The following TCF7L1 variants were observed in gnomAD, a reference collection of about 807,000 sequenced individuals.
The protein encoded by TCF7L1 is transcription factor 7-like 1.
TCF7L1 carries 18 observed loss-of-function variants against 63.7 expected under a neutral mutation model. The ratio of observed to expected loss-of-function variants is 0.28; its 90% CI spans 0.20 to 0.42. TCF7L1 has a LOEUF of 0.42. Among genes scored for constraint, TCF7L1 ranks in the 10% least tolerant of loss-of-function variants. The pLI is 1.00. For synonymous variants in TCF7L1, 355 were observed against 340.9 expected (o/e 1.04, Z -0.46); for missense variants, 654 against 779.3 (o/e 0.84, Z 1.91).
rs190225735 is a variant in TCF7L1 at position 85,288,652 on chromosome 2, A to T, written c.525+5074A>T. On this transcript the variant is annotated intron_variant, in intron 4 of 11. Coordinates refer to ENST00000282111, the MANE Select transcript of TCF7L1 (RefSeq NM_031283.3). ...GCTGCCTAACAAGGAAGTATGTCTA[A>T]GCAAGTCACAACTGGGCCCGGGTGC... 3.9e-5 allele frequency among the ~76,000 whole-genome samples: 6 copies of T among 152,350 alleles called. No homozygotes were observed. The East Asian group carries it at 7.7e-4, about 20-fold the overall frequency.
chr2:85,145,569 G>A (rs1443747723), intron 3 of TCF7L1, among the ~76,000 whole-genome samples: 3 of 152,226 alleles, frequency 2.0e-5, no homozygotes, highest in African/African-American at 7.2e-5. Flanking sequence ...ATACCTTCTA[G>A]AGGTGGTTGG....
chr2:85,254,841 G>A (rs1680672535), intron 3 of TCF7L1, among the ~76,000 whole-genome samples: 2 of 152,176 alleles, frequency 1.3e-5, no homozygotes, highest in Non-Finnish European at 2.9e-5. Flanking sequence ...AGGTATGTGG[G>A]GAAAACACGA....
intron 3 of TCF7L1, among the ~76,000 whole-genome samples, chr2:85,205,741 G>A (rs139745348): frequency 0.029 from 4,450 of 152,110 alleles, 97 homozygotes; most frequent in Middle Eastern, 0.051. Flanking sequence ...GGCTGGTTTC[G>A]AACTCCTGAC....
chr2:85,248,284 A>G (rs1055630974), intron 3 of TCF7L1, among the ~76,000 whole-genome samples: 2 of 152,024 alleles, frequency 1.3e-5, no homozygotes, highest in African/African-American at 4.8e-5. Flanking sequence ...CGTTTCTTCA[A>G]CTCACCCATG....
At chr2:85,145,522 A>T (rs1677857797) in intron 3 of TCF7L1, among the ~76,000 whole-genome samples, 1 of 152,236 alleles carries the variant, frequency 6.6e-6, no homozygotes, top group Non-Finnish European at 1.5e-5. Flanking sequence ...AAAAAAGGAT[A>T]TGTCAGGGTC....
At chr2:85,235,639 G>A (rs72840184) in intron 3 of TCF7L1, among the ~76,000 whole-genome samples, 5,896 of 152,130 alleles carry the variant, frequency 0.039, 121 homozygotes, top group Middle Eastern at 0.044. Flanking sequence ...TACCTGTGAC[G>A]CTCTCCACTA....
At chr2:85,178,566 C>G (rs534408666) in intron 3 of TCF7L1, among the ~76,000 whole-genome samples, 2 of 152,310 alleles carry the variant, frequency 1.3e-5, no homozygotes, top group South Asian at 2.1e-4. Flanking sequence ...TAGGCCCTTT[C>G]ACGCTCCCAC....
At chr2:85,241,139 G>A (rs893837482) in intron 3 of TCF7L1, among the ~76,000 whole-genome samples, 2 of 152,180 alleles carry the variant, frequency 1.3e-5, no homozygotes, top group South Asian at 4.1e-4. Context: ...GGAAGGGCCC[G>A]CCCAAGGTCA....
chr2:85,196,598 G>A (rs1035185445), intron 3 of TCF7L1, among the ~76,000 whole-genome samples: 1 of 151,290 alleles, frequency 6.6e-6, no homozygotes, highest in South Asian at 2.1e-4. Flanking sequence ...TTAAACGTTT[G>A]ACCCCAAGTG....
intron 3 of TCF7L1, among the ~76,000 whole-genome samples, chr2:85,148,873 C>T (rs1210411400): frequency 6.8e-6 from 1 of 148,142 alleles, no homozygotes; most frequent in Non-Finnish European, 1.5e-5. Flanking sequence ...CCCCCAGGTT[C>T]AAGCGATTCT....
At chr2:85,200,031 C>T (rs1351632243) in intron 3 of TCF7L1, among the ~76,000 whole-genome samples, 6 of 152,208 alleles carry the variant, frequency 3.9e-5, no homozygotes, top group African/African-American at 1.4e-4. Flanking sequence ...GCTTTTTTCA[C>T]TTAGTCTAAT....
intron 3 of TCF7L1, among the ~76,000 whole-genome samples, chr2:85,226,662 T>TAATAA (rs1267992054): frequency 3.3e-5 from 5 of 152,114 alleles, no homozygotes; most frequent in Non-Finnish European, 7.4e-5. Flanking sequence ...TCCTGTCCCA[T>TAATAA]AATAACCACT....
intron 3 of TCF7L1, among the ~76,000 whole-genome samples, chr2:85,142,080 C>G (rs1677750315): frequency 6.6e-6 from 1 of 152,122 alleles, no homozygotes; most frequent in Non-Finnish European, 1.5e-5. Flanking sequence ...GGGAAATTTT[C>G]CCTCCTTTTA....
chr2:85,298,481 C>CAAAAA (rs775849544), intron 4 of TCF7L1, among the ~76,000 whole-genome samples: 8 of 71,042 alleles, frequency 1.1e-4, no homozygotes, highest in African/African-American at 3.1e-4. Flanking sequence ...GACTCTGTCT[C>CAAAAA]AAAAAAAAAA....
At chr2:85,144,236 C>T (rs1331102606) in intron 3 of TCF7L1, among the ~76,000 whole-genome samples, 1 of 152,036 alleles carries the variant, frequency 6.6e-6, no homozygotes, top group Non-Finnish European at 1.5e-5. Flanking sequence ...AATGAAAAAT[C>T]AGTCCCAAAA....
intron 3 of TCF7L1, among the ~76,000 whole-genome samples, chr2:85,239,553 G>A (rs1363638910): frequency 6.6e-6 from 1 of 152,180 alleles, no homozygotes; most frequent in Non-Finnish European, 1.5e-5. Flanking sequence ...CTGGCCTGCT[G>A]GATGACTTTG....
chr2:85,301,508 T>G (rs1671380783), intron 4 of TCF7L1, among the ~76,000 whole-genome samples: 1 of 152,224 alleles, frequency 6.6e-6, no homozygotes, highest in African/African-American at 2.4e-5. Flanking sequence ...GTTTACCAAT[T>G]GTAGAACGCA....
At position 85,297,966 on chromosome 2, in the gene TCF7L1, A is replaced by G. The variant is rs559940605; in HGVS notation, c.526-4518A>G. On this transcript the variant is annotated intron_variant, in intron 4 of 11. Coordinates refer to ENST00000282111, the MANE Select transcript of TCF7L1 (RefSeq NM_031283.3). Reference sequence around the variant, plus strand: ...TATCTAATATTTTTTATTTTATTTTATTTTTGTTTGAGACAGAGTCTCCCT... The same window carrying G: ...TATCTAATATTTTTTATTTTATTTTGTTTTTGTTTGAGACAGAGTCTCCCT... 2.0e-5 allele frequency among the ~76,000 whole-genome samples: 3 copies of G among 151,016 alleles called. 1 individual carries two copies. In the East Asian group the frequency reaches 5.9e-4, roughly 30 times the overall value.
chr2:85,189,173 C>G (rs72840126), intron 3 of TCF7L1, among the ~76,000 whole-genome samples: 6,521 of 152,282 alleles, frequency 0.043, 168 homozygotes, highest in Non-Finnish European at 0.053. Context: ...TCTCCCCTTC[C>G]TGGTCCTATT....
Sources: gnomAD v4.1 joint callset for allele counts (sites outside exome capture counted in the v4.1 genomes callset) on GRCh38, gnomAD v4.1.1 for gene constraint, MANE v1.5 for transcripts, NCBI Gene and HGNC (gene_info 2026-07-23, HGNC 2026-07-21) for gene names.